Variants in EGLN3 observed in about 807,000 individuals in gnomAD.
The protein encoded by EGLN3 is egl-9 family hypoxia inducible factor 3, also known as prolyl hydroxylase EGLN3.
Under a neutral mutation model 26.0 loss-of-function variants are expected in EGLN3, and 15 were observed. The observed-to-expected ratio is 0.58, with a 90% CI of 0.39 to 0.89. The LOEUF is 0.89. EGLN3 is among the 40% of genes least tolerant of loss of function. The probability of loss-of-function intolerance (pLI) is 0.00; values close to 1 mark genes in which losing one functional copy is unlikely to be tolerated. For missense variants in EGLN3, 238 were observed against 311.6 expected, an observed-to-expected ratio of 0.76 and a Z score of 1.78; for synonymous variants, 147 against 127.2, an observed-to-expected ratio of 1.16 and a Z score of -1.05.
At chr14:33,939,335 C>G (rs1769615) in intron 1 of EGLN3, among the ~76,000 whole-genome samples, 44,251 of 151,890 alleles carry the variant, frequency 0.29, 6,831 homozygotes, top group Non-Finnish European at 0.36. Context: ...CTCAGCCTCC[C>G]GAGTAGCTGG....
In EGLN3 at chr14:33,950,973, T is replaced by C. The variant is rs2064557794; in HGVS notation, c.-221A>G. ...GGAACCAGCGGGAGTGGTGCGGAGC[T>C]CCACGACCCGTTTCCGGACTGGCCC... On this transcript the variant is annotated 5_prime_UTR_variant, in exon 1 of 5. Transcript: ENST00000250457. The C allele has an allele frequency of 5.2e-6, 3 of 572,148 alleles. No individual in the cohort carries two copies. Among genetic ancestry groups the C allele is most frequent in the Non-Finnish European group, 9.3e-6 (3 of 324,084 alleles). 35.4% of individuals were successfully genotyped at this position (572,148 alleles called of 1,614,324 possible).
intron 1 of EGLN3, among the ~76,000 whole-genome samples, chr14:33,942,193 G>A (rs2064487925): frequency 6.6e-6 from 1 of 151,774 alleles, no homozygotes; most frequent in Non-Finnish European, 1.5e-5. Flanking sequence ...GTGATTTATG[G>A]TTACAGTAAG....
chr14:33,945,558 G>A (rs2064511980), intron 1 of EGLN3, among the ~76,000 whole-genome samples: 1 of 152,222 alleles, frequency 6.6e-6, no homozygotes, highest in African/African-American at 2.4e-5. Flanking sequence ...TGAGCCATGT[G>A]CATGGGAAGG....
At chr14:33,942,366 A>G (rs1279373005) in intron 1 of EGLN3, among the ~76,000 whole-genome samples, 1 of 152,124 alleles carries the variant, frequency 6.6e-6, no homozygotes, top group Non-Finnish European at 1.5e-5. Context: ...AGAAAGCACA[A>G]TAGGCCCTTC....
At chr14:33,950,231 C>T in intron 1 of EGLN3, 165 bp downstream of exon 1, 1 of 685,894 alleles carries the variant, frequency 1.5e-6, no homozygotes, top group South Asian at 1.7e-5. Flanking sequence ...CTCAGAGGAG[C>T]TGGGGCGAGG....
chr14:33,943,531 C>T (rs752578443), intron 1 of EGLN3, among the ~76,000 whole-genome samples: 1 of 152,224 alleles, frequency 6.6e-6, no homozygotes, highest in African/African-American at 2.4e-5. Context: ...TAATAACCTT[C>T]TCCATAATGT....
intron 1 of EGLN3, among the ~76,000 whole-genome samples, chr14:33,939,841 G>A (rs910949132): frequency 6.6e-6 from 1 of 152,144 alleles, no homozygotes; most frequent in Non-Finnish European, 1.5e-5. Flanking sequence ...TGAAGAGTGT[G>A]AGGTCTTAAG....
intron 1 of EGLN3, among the ~76,000 whole-genome samples, chr14:33,943,372 T>G (rs1240651045): frequency 6.6e-6 from 1 of 152,098 alleles, no homozygotes; most frequent in Non-Finnish European, 1.5e-5. Flanking sequence ...GCAAAATAGA[T>G]CTGAACTATC....
intron 1 of EGLN3, among the ~76,000 whole-genome samples, chr14:33,939,213 T>TTTG (rs1231823432): frequency 1.5e-5 from 2 of 133,020 alleles, no homozygotes; most frequent in Admixed American, 7.1e-5. Context: ...ATCATCTTTT[T>TTTG]TTTTTTTTCT....
intron 2 of EGLN3, 91 bp from the exon 3 acceptor site, chr14:33,929,303 G>A (rs2064385238): frequency 1.3e-6 from 2 of 1,486,290 alleles, no homozygotes; most frequent in African/African-American, 1.4e-5. Flanking sequence ...CATGCCATCT[G>A]CTAACCACCA....
At chr14:33,940,251 G>A (rs1236770715) in intron 1 of EGLN3, among the ~76,000 whole-genome samples, 1 of 152,162 alleles carries the variant, frequency 6.6e-6, no homozygotes, top group African/African-American at 2.4e-5. Flanking sequence ...TCTTGCCAAA[G>A]GCCAGACATT....
chr14:33,950,313 C>T, intron 1 of EGLN3, 83 bp downstream of exon 1: 1 of 1,314,626 alleles, frequency 7.6e-7, no homozygotes, highest in Admixed American at 1.7e-5. Context: ...CGCTTACGGC[C>T]CTGGGAAGTC....
intron 1 of EGLN3, chr14:33,950,126 C>A (rs1268557112): frequency 3.4e-6 from 2 of 594,422 alleles, no homozygotes; most frequent in Non-Finnish European, 6.0e-6. Flanking sequence ...ACAGCCACAG[C>A]TTGTCTGGCT....
At chr14:33,947,499 A>G (rs2064526231) in intron 1 of EGLN3, among the ~76,000 whole-genome samples, 2 of 152,162 alleles carry the variant, frequency 1.3e-5, no homozygotes, top group Non-Finnish European at 2.9e-5. Context: ...TTTACTCCCA[A>G]TATCTTTGCT....
At chr14:33,946,102 C>T (rs1203279909) in intron 1 of EGLN3, among the ~76,000 whole-genome samples, 1 of 152,120 alleles carries the variant, frequency 6.6e-6, no homozygotes, top group East Asian at 1.9e-4. Context: ...AAGCCGGGCG[C>T]GGTGGCTCAC....
chr14:33,932,226 C>G (rs1011599051), intron 1 of EGLN3, among the ~76,000 whole-genome samples: 2 of 152,140 alleles, frequency 1.3e-5, no homozygotes, highest in Non-Finnish European at 2.9e-5. Context: ...AGGACAGTGC[C>G]TGACATACAG....
intron 1 of EGLN3, among the ~76,000 whole-genome samples, chr14:33,933,202 C>T (rs946795045): frequency 6.6e-6 from 1 of 151,482 alleles, no homozygotes; most frequent in Non-Finnish European, 1.5e-5. Flanking sequence ...TGTCAAAGGC[C>T]CAAGAAGATC....
intron 1 of EGLN3, among the ~76,000 whole-genome samples, chr14:33,944,282 C>T (rs931381790): frequency 2.8e-4 from 43 of 152,032 alleles, no homozygotes; most frequent in African/African-American, 8.9e-4. Flanking sequence ...CCACCATGCC[C>T]GGCTAGACTT....
At chr14:33,947,927 G>A (rs1414068223) in intron 1 of EGLN3, among the ~76,000 whole-genome samples, 1 of 151,988 alleles carries the variant, frequency 6.6e-6, no homozygotes, top group African/African-American at 2.4e-5. Context: ...GCGTGCCTGT[G>A]GTCCCAGCTA....
Sources: allele counts gnomAD v4.1 joint callset (sites outside exome capture counted in the v4.1 genomes callset), GRCh38; gene constraint gnomAD v4.1.1; transcripts MANE v1.5; gene names NCBI Gene and HGNC (gene_info 2026-07-23, HGNC 2026-07-21).